The following SERINC5 variants were observed in gnomAD, a reference collection of about 807,000 sequenced individuals.
SERINC5 encodes serine incorporator 5, also known as chromosome 5 open reading frame 12.
Under a neutral mutation model 63.1 loss-of-function variants are expected in SERINC5, and 41 were observed. That is an observed-to-expected ratio of 0.65 (90% CI 0.51 to 0.84). The LOEUF (loss-of-function observed/expected upper bound fraction) is 0.84. Among genes scored for constraint, SERINC5 ranks in the 40% least tolerant of loss-of-function variants. The pLI, the probability that SERINC5 is intolerant of heterozygous loss-of-function variation, is 0.00. For missense variants in SERINC5, 523 were observed against 573.0 expected, an observed-to-expected ratio of 0.91 and a Z score of 0.89; for synonymous variants, 222 against 215.2, an observed-to-expected ratio of 1.03 and a Z score of -0.28.
At chr5:80,251,513 T>G (rs1213266763) in intron 1 of SERINC5, among the ~76,000 whole-genome samples, 1 of 151,946 alleles carries the variant, frequency 6.6e-6, no homozygotes, top group Non-Finnish European at 1.5e-5. Flanking sequence ...GCGGGTCACC[T>G]GAGGTCAGGA....
intron 2 of SERINC5, among the ~76,000 whole-genome samples, chr5:80,186,989 C>G (rs568630894): frequency 6.6e-6 from 1 of 151,960 alleles, no homozygotes; most frequent in Non-Finnish European, 1.5e-5. Flanking sequence ...AACTCCATCT[C>G]TACCAAAAAT....
intron 1 of SERINC5, among the ~76,000 whole-genome samples, chr5:80,231,725 T>C (rs559211235): frequency 3.3e-5 from 5 of 152,322 alleles, no homozygotes; most frequent in Non-Finnish European, 7.3e-5. Context: ...AGAATAGTCT[T>C]TTCAACAAAT....
chr5:80,203,844 C>T (rs1750009991), intron 1 of SERINC5, among the ~76,000 whole-genome samples: 1 of 152,148 alleles, frequency 6.6e-6, no homozygotes, highest in East Asian at 1.9e-4. Context: ...GGAAGGCTGG[C>T]TATCAGTGGA....
At chr5:80,132,895 A>G (rs1745004247) in intron 11 of SERINC5, among the ~76,000 whole-genome samples, 1 of 152,346 alleles carries the variant, frequency 6.6e-6, no homozygotes, top group African/African-American at 2.4e-5. Flanking sequence ...CAAGTAACAC[A>G]TAGAAGACTG....
At chr5:80,212,357 T>G (rs553203893) in intron 1 of SERINC5, among the ~76,000 whole-genome samples, 9 of 152,312 alleles carry the variant, frequency 5.9e-5, no homozygotes, top group African/African-American at 2.2e-4. Flanking sequence ...CAAAGTTTTT[T>G]ATTCAAGTAA....
intron 1 of SERINC5, among the ~76,000 whole-genome samples, chr5:80,246,001 CAAAAT>C (rs199915328): frequency 0.014 from 1,761 of 126,372 alleles, 33 homozygotes; most frequent in African/African-American, 0.046. Context: ...TAACAGCTAA[CAAAAT>C]AAGTCCAACA....
chr5:80,146,614 G>A (rs776060346), intron 10 of SERINC5, among the ~76,000 whole-genome samples: 4 of 152,036 alleles, frequency 2.6e-5, no homozygotes, highest in African/African-American at 4.8e-5. Context: ...CACCACGCCC[G>A]GCTAATTTTG....
At chr5:80,146,961 C>G (rs1745865979) in intron 10 of SERINC5, among the ~76,000 whole-genome samples, 2 of 152,042 alleles carry the variant, frequency 1.3e-5, no homozygotes, top group African/African-American at 4.8e-5. Flanking sequence ...CAAATCACTC[C>G]TTTTTAAAAA....
intron 1 of SERINC5, among the ~76,000 whole-genome samples, chr5:80,252,759 G>A (rs951071179): frequency 6.6e-6 from 1 of 152,102 alleles, no homozygotes; most frequent in Non-Finnish European, 1.5e-5. Context: ...AATAGTTGAG[G>A]TAAAATGAGG....
intron 1 of SERINC5, among the ~76,000 whole-genome samples, chr5:80,244,896 C>T (rs1185019965): frequency 6.6e-6 from 1 of 152,122 alleles, no homozygotes; most frequent in Non-Finnish European, 1.5e-5. Context: ...CAGATCAAAA[C>T]TCATCCAGCC....
chr5:80,178,508 A>T (rs1748193271), intron 2 of SERINC5, among the ~76,000 whole-genome samples: 1 of 147,368 alleles, frequency 6.8e-6, no homozygotes, highest in South Asian at 2.2e-4. Flanking sequence ...GACTACAGGC[A>T]CGCACCACCA....
chr5:80,161,018 G>GTA (rs967132767), intron 7 of SERINC5, among the ~76,000 whole-genome samples: 6 of 143,312 alleles, frequency 4.2e-5, no homozygotes, highest in South Asian at 2.3e-4. Context: ...ATATATACGT[G>GTA]TATATATATA....
chr5:80,254,922 C>T (rs569037984), intron 1 of SERINC5, among the ~76,000 whole-genome samples: 5 of 152,280 alleles, frequency 3.3e-5, no homozygotes, highest in African/African-American at 1.2e-4. Context: ...TTACAGCTGG[C>T]CTCGATTGTG....
Position 80,142,051 on chromosome 5 carries a change from C to A in SERINC5, c.*1612G>T. On this transcript the variant is annotated 3_prime_UTR_variant, in exon 12 of 12. Transcript: ENST00000507668. ...TTAGGTGGCACTCAATTCTGCCCAA[C>A]TCATACAGTAGGGCACAGAAAAAAA... is the stretch of plus-strand genomic sequence containing the variant. The A allele has an allele frequency of 1.0e-6, 1 of 985,422 alleles. No homozygotes were observed. The highest frequency in any genetic ancestry group is 1.2e-6 in the Non-Finnish European group (1 of 829,932). 61.0% of individuals were successfully genotyped at this position (985,422 alleles called of 1,614,324 possible).
chr5:80,132,763 C>A (rs112730453), intron 11 of SERINC5, among the ~76,000 whole-genome samples: 2 of 152,076 alleles, frequency 1.3e-5, no homozygotes, highest in African/African-American at 4.8e-5. Context: ...CCGTGCCTGG[C>A]CCTTAGTTCT....
At chr5:80,124,477 C>T (rs926563190) in intron 11 of SERINC5, among the ~76,000 whole-genome samples, 2 of 152,110 alleles carry the variant, frequency 1.3e-5, no homozygotes, top group African/African-American at 2.4e-5. Context: ...TTTGGGTGGT[C>T]TTCATTTATT....
At chr5:80,236,953 G>A (rs1014401986) in intron 1 of SERINC5, among the ~76,000 whole-genome samples, 2 of 151,972 alleles carry the variant, frequency 1.3e-5, no homozygotes, top group East Asian at 1.9e-4. Context: ...AGGTTCAAGC[G>A]ATTCTCCTGC....
chr5:80,188,975 T>C (rs776309088), intron 2 of SERINC5, among the ~76,000 whole-genome samples: 1 of 152,160 alleles, frequency 6.6e-6, no homozygotes, highest in Non-Finnish European at 1.5e-5. Context: ...TTGACTCTAA[T>C]TTAGTTTGTT....
At chr5:80,246,443 G>A (rs1369236956) in intron 1 of SERINC5, among the ~76,000 whole-genome samples, 1 of 152,062 alleles carries the variant, frequency 6.6e-6, no homozygotes, top group African/African-American at 2.4e-5. Flanking sequence ...AGATTTAAGG[G>A]GTTATGCATG....
Sources: allele counts gnomAD v4.1 joint callset (sites outside exome capture counted in the v4.1 genomes callset), GRCh38; gene constraint gnomAD v4.1.1; transcripts MANE v1.5; gene names NCBI Gene and HGNC (gene_info 2026-07-23, HGNC 2026-07-21).